The following EDEM1 variants were observed in gnomAD, a reference collection of about 807,000 sequenced individuals.
EDEM1 encodes the protein ER degradation enhancing alpha-mannosidase like protein 1.
EDEM1 carries 67 observed loss-of-function variants against 74.4 expected under a neutral mutation model. The observed-to-expected ratio is 0.90, with a 90% CI of 0.74 to 1.10. The LOEUF (loss-of-function observed/expected upper bound fraction) is 1.10, where lower values mean the gene tolerates loss of function less well. Ranked by LOEUF, EDEM1 falls within the 50% of genes least tolerant of loss-of-function variation. The probability of loss-of-function intolerance (pLI) is 0.00; values close to 1 mark genes in which losing one functional copy is unlikely to be tolerated. For missense variants in EDEM1, 926 were observed against 851.6 expected, an observed-to-expected ratio of 1.09 and a Z score of -1.09; for synonymous variants, 382 against 335.9, an observed-to-expected ratio of 1.14 and a Z score of -1.50.
At chr3:5,198,375 G>T (rs2054995115) in intron 2 of EDEM1, among the ~76,000 whole-genome samples, 2 of 152,268 alleles carry the variant, frequency 1.3e-5, no homozygotes, top group South Asian at 4.1e-4. Flanking sequence ...GCCTTTCACG[G>T]AATATACAGT....
chr3:5,193,860 A>C (rs2054931418), intron 1 of EDEM1, among the ~76,000 whole-genome samples: 1 of 152,222 alleles, frequency 6.6e-6, no homozygotes, highest in Non-Finnish European at 1.5e-5. Flanking sequence ...GGCCTCCCAA[A>C]GTGCTGGGAT....
At position 5,203,033 on chromosome 3, in the gene EDEM1, T is replaced by C. The variant is rs1381417418; in HGVS notation, c.926T>C (p.Leu309Pro). Residue 309 changes from leucine to proline, a missense_variant, in exon 5 of 12, where the codon CTC becomes CCC. Coordinates refer to ENST00000256497, the MANE Select transcript of EDEM1 (RefSeq NM_014674.3). ...NETCTAGAGS[L>P]LVEFGILSRL... is the part of the protein sequence containing the mutation. ...ACATGCACAGCGGGAGCCGGTTCCC[T>C]CCTGGTGGAATTTGGGATTCTGAGT... The C allele has an allele frequency of 1.2e-6, 2 of 1,613,986 alleles. No individual in the cohort carries two copies. Among genetic ancestry groups the C allele is most frequent in the East Asian group, 2.2e-5 (1 of 44,860 alleles).
intron 1 of EDEM1, among the ~76,000 whole-genome samples, chr3:5,194,859 T>G (rs747925120): frequency 7.9e-5 from 12 of 152,250 alleles, no homozygotes; most frequent in Non-Finnish European, 1.5e-4. Context: ...TAGTTCCTAA[T>G]GATTGTGAAA....
rs112091672 is a variant in EDEM1 at position 5,201,875 on chromosome 3, G to A, written c.809G>A (p.Arg270Gln). The A allele has an allele frequency of 4.3e-6, 7 of 1,614,078 alleles. No individual in the cohort carries two copies. The highest frequency in any genetic ancestry group is 1.1e-5 in the South Asian group (1 of 91,076). The change falls in exon 4 of 12, where the codon CGG (arginine) becomes CAG (glutamine). Residue 270 changes from arginine (R) to glutamine (Q), a missense_variant. Physicochemically the swap from Arg to Gln is conservative, Grantham distance 43. Transcript: ENST00000256497. ...TACATGGCCCATGACCTGGCGGTGC[G>A]GCTCCTCCCTGCTTTTGAAAACACC... ...LLYMAHDLAV[R>Q]LLPAFENTKT...
chr3:5,208,475 C>G (rs1004560947), intron 8 of EDEM1, among the ~76,000 whole-genome samples: 1 of 152,086 alleles, frequency 6.6e-6, no homozygotes, highest in African/African-American at 2.4e-5. Context: ...ATGTTTTTAA[C>G]CTAATATTCT....
intron 8 of EDEM1, 127 bp downstream of exon 8, chr3:5,208,390 C>G: frequency 8.9e-7 from 1 of 1,123,162 alleles, no homozygotes; most frequent in Non-Finnish European, 1.3e-6. Flanking sequence ...ATTGAGTTAC[C>G]CCCTATCCGT....
chr3:5,213,676 G>T (rs2055195605), intron 11 of EDEM1, among the ~76,000 whole-genome samples, 154 bp downstream of exon 11: 1 of 152,214 alleles, frequency 6.6e-6, no homozygotes, highest in Non-Finnish European at 1.5e-5. Flanking sequence ...CATAGCTGTT[G>T]TCAGGGTATA....
At chr3:5,188,812 T>G (rs935944251) in intron 1 of EDEM1, among the ~76,000 whole-genome samples, 6 of 152,182 alleles carry the variant, frequency 3.9e-5, no homozygotes, top group Non-Finnish European at 1.5e-5. Flanking sequence ...AGTTGACTTC[T>G]CCAAAGCCGT....
chr3:5,196,481 C>CAA (rs951490149), intron 2 of EDEM1, among the ~76,000 whole-genome samples: 5 of 151,672 alleles, frequency 3.3e-5, no homozygotes, highest in African/African-American at 1.2e-4. Context: ...CACACACACA[C>CAA]ACAAGAATTG....
rs778865659 is a variant in EDEM1, at chr3:5,187,961, C to T, written c.156C>T (p.Pro52=). 61 of 1,560,718 alleles carry T rather than the reference C, an allele frequency of 3.9e-5. No individual in the cohort carries two copies. The highest frequency in any genetic ancestry group is 5.2e-5 in the Non-Finnish European group (60 of 1,157,188). The change falls in exon 1 of 12, where the codon CCC becomes CCT. Residue 52 remains proline (P), a synonymous_variant. Transcript: ENST00000256497. Reference sequence around the variant, plus strand: ...AGCGTCTGAGGAGCCCCGACGGCCCCGCGTCGCCCACCTCGGGGCCCGTGG... The same window carrying T: ...AGCGTCTGAGGAGCCCCGACGGCCCTGCGTCGCCCACCTCGGGGCCCGTGG... The part of the protein sequence containing the change: ...GFQRLRSPDG[P]ASPTSGPVGR...
chr3:5,207,994 GAACTCGGGGGC>G, intron 7 of EDEM1, 88 bp from the exon 8 acceptor site: 1 of 1,406,718 alleles, frequency 7.1e-7, no homozygotes, highest in Non-Finnish European at 9.5e-7. Flanking sequence ...GGTCAACTAA[GAACTCGGGGGC>G]AGAGGAGAGC....
intron 6 of EDEM1, 108 bp downstream of exon 6, chr3:5,205,349 C>T (rs2055084227): frequency 1.8e-6 from 2 of 1,099,100 alleles, no homozygotes; most frequent in Non-Finnish European, 2.6e-6. Context: ...TTATCTCTGC[C>T]CTCACCTTAC....
chr3:5,211,144 C>G lies in EDEM1; in HGVS notation c.1608C>G (p.His536Gln). Reference protein sequence around the residue: ...KVKCGYATLHHVIDKSTEDRM... With the variant: ...KVKCGYATLHQVIDKSTEDRM... ...GGTGTGGGTACGCCACGCTGCATCA[C>G]GTCATTGACAAGTCCACAGAAGACC... Residue 536 changes from histidine (H) to glutamine (Q), a missense_variant, in exon 10 of 12, where the codon CAC becomes CAG. His to Gln is a conservative substitution (Grantham distance 24). Transcript: ENST00000256497. The G allele has an allele frequency of 6.2e-7, 1 of 1,614,168 alleles. No individual in the cohort carries two copies. Among genetic ancestry groups the G allele is most frequent in the South Asian group, 1.1e-5 (1 of 91,086 alleles).
At chr3:5,190,672 T>C (rs561392263) in intron 1 of EDEM1, among the ~76,000 whole-genome samples, 1 of 152,258 alleles carries the variant, frequency 6.6e-6, no homozygotes, top group African/African-American at 2.4e-5. Flanking sequence ...TTAGAAGTAT[T>C]GAGGAGGTGG....
At chr3:5,190,297 G>A (rs2054886236) in intron 1 of EDEM1, among the ~76,000 whole-genome samples, 1 of 152,204 alleles carries the variant, frequency 6.6e-6, no homozygotes, top group East Asian at 1.9e-4. Context: ...CTTTATTCCT[G>A]CTCACAGACT....
chr3:5,207,042 A>G, intron 6 of EDEM1, 111 bp from the exon 7 acceptor site: 2 of 1,467,308 alleles, frequency 1.4e-6, no homozygotes, highest in Non-Finnish European at 1.8e-6. Flanking sequence ...GAGTTAGGAG[A>G]AAAAATTAAT....
Position 5,219,918 on chromosome 3 carries a change from A to AT in EDEM1, c.*4005dup, listed in dbSNP as rs1445578920. 1 of 152,542 alleles carries AT rather than the reference A, an allele frequency of 6.6e-6. No individual in the cohort carries two copies. Among genetic ancestry groups the AT allele is most frequent in the Non-Finnish European group, 1.5e-5 (1 of 68,026 alleles). The allele number at this position is 152,542 out of a possible 1,614,324, so 9.4% of individuals were successfully genotyped here. A position where few individuals can be genotyped will look rare whatever the true frequency, so the allele number is the denominator to read the frequency against. ...ATCTTGCTCTTTAAAATTTATTAGG[A>AT]TTTTTATGAGTAATTTTTATTAAAA... On this transcript the variant is annotated 3_prime_UTR_variant, in exon 12 of 12. Transcript: ENST00000256497.
chr3:5,201,468 C>G (rs1439039745), intron 3 of EDEM1, among the ~76,000 whole-genome samples: 1 of 152,114 alleles, frequency 6.6e-6, no homozygotes, highest in East Asian at 1.9e-4. Context: ...TTTCTTAATG[C>G]CCTAAGATTT....
At chr3:5,199,566 A>G in intron 2 of EDEM1, 26 bp from the exon 3 acceptor site, 2 of 1,561,274 alleles carry the variant, frequency 1.3e-6, no homozygotes, top group Non-Finnish European at 1.8e-6. Context: ...AAGTTGCTGT[A>G]ATGACCTGTG....
Sources: allele counts gnomAD v4.1 joint callset (sites outside exome capture counted in the v4.1 genomes callset), GRCh38; gene constraint gnomAD v4.1.1; transcripts MANE v1.5; gene names NCBI Gene and HGNC (gene_info 2026-07-23, HGNC 2026-07-21).